Variants in PCDHA8 observed in about 807,000 individuals in gnomAD.
The protein encoded by PCDHA8 is protocadherin alpha 8.
Under a neutral mutation model 61.8 loss-of-function variants are expected in PCDHA8, and 53 were observed. The ratio of observed to expected loss-of-function variants is 0.86; its 90% confidence interval spans 0.69 to 1.08. The LOEUF is 1.08. Ranked by LOEUF, PCDHA8 falls within the 50% of genes least tolerant of loss-of-function variation. The pLI is 0.00. For synonymous variants in PCDHA8, 618 were observed against 556.6 expected, an observed-to-expected ratio of 1.11 and a Z score of -1.55; for missense variants, 1,293 against 1,245.0, an observed-to-expected ratio of 1.04 and a Z score of -0.58.
rs2098419434 is a variant in PCDHA8, at chr5:141,011,100, CT to C, written c.*1164del. ...AAATGATCTCTCTTTCTCTCTCTCT[CT>C]CTCTTTTCTAAGAAACAATTATGTG... On this transcript the variant is annotated 3_prime_UTR_variant, in exon 4 of 4. Coordinates refer to ENST00000531613, the MANE Select transcript of PCDHA8 (RefSeq NM_018911.3). The C allele has an allele frequency of 1.3e-5, 2 of 153,772 alleles. No individual in the cohort carries two copies. Among genetic ancestry groups the C allele is most frequent in the Admixed American group, 6.5e-5 (1 of 15,290 alleles). The allele number at this position is 153,772 out of a possible 1,614,324, so 9.5% of individuals were successfully genotyped here.
chr5:140,977,841 A>G lies in PCDHA8; in HGVS notation c.2395-1108A>G, dbSNP rs76111417. On this transcript the variant is annotated intron_variant, in intron 1 of 3. Transcript: ENST00000531613. The stretch of plus-strand genomic sequence containing the variant: ...TTTTGAATGGTCTATTGATATTACT[A>G]TGGCTTTGTTTCTACCAAATATGGT... Among the ~76,000 whole-genome samples the G allele has an allele frequency of 8.3e-3, 1,257 of 152,348 alleles. 23 individuals carry two copies. Among genetic ancestry groups the G allele is most frequent in the African/African-American group, 0.028 (1,184 of 41,574 alleles).
chr5:140,889,037 A>G (rs2062077417), intron 1 of PCDHA8, among the ~76,000 whole-genome samples: 1 of 151,994 alleles, frequency 6.6e-6, no homozygotes, highest in Non-Finnish European at 1.5e-5. Context: ...CCGTAATTTG[A>G]TTATAATTTA....
At chr5:140,858,414 T>C (rs2045398069) in intron 1 of PCDHA8, 1 of 1,562,782 alleles carries the variant, frequency 6.4e-7, no homozygotes. Flanking sequence ...GATCAGTCTA[T>C]TGGAGGGGAC....
At chr5:140,969,535 T>C (rs1221394283) in intron 1 of PCDHA8, 27 of 1,341,822 alleles carry the variant, frequency 2.0e-5, no homozygotes, top group Non-Finnish European at 2.5e-5. Flanking sequence ...TTTTTCATTT[T>C]CAGAGGCATG....
chr5:140,927,325 C>T, intron 1 of PCDHA8: 6 of 1,614,234 alleles, frequency 3.7e-6, no homozygotes, highest in South Asian at 1.1e-5. Context: ...CCGCTTTACT[C>T]TCCCGAATGC....
intron 1 of PCDHA8, chr5:140,884,825 T>C (rs543714024): frequency 1.0e-6 from 1 of 967,424 alleles, no homozygotes; most frequent in Non-Finnish European, 1.5e-6. Flanking sequence ...CATTATGTGT[T>C]GGATTATCCT....
intron 1 of PCDHA8, among the ~76,000 whole-genome samples, chr5:140,949,308 G>T (rs1323575169): frequency 6.6e-6 from 1 of 151,722 alleles, no homozygotes; most frequent in African/African-American, 2.4e-5. Flanking sequence ...TGGGTGTAAT[G>T]ATTTATAAAT....
chr5:140,876,297 A>G, intron 1 of PCDHA8: 1 of 1,614,092 alleles, frequency 6.2e-7, no homozygotes, highest in Non-Finnish European at 8.5e-7. Flanking sequence ...GACTTAATGG[A>G]GAAATTTCCT....
At chr5:140,915,015 G>T (rs1469800021) in intron 1 of PCDHA8, among the ~76,000 whole-genome samples, 3 of 146,766 alleles carry the variant, frequency 2.0e-5, no homozygotes, top group Non-Finnish European at 4.5e-5. Flanking sequence ...GCCTGATCTT[G>T]GCTCACTGCA....
chr5:140,941,259 T>G (rs368206632), intron 1 of PCDHA8, among the ~76,000 whole-genome samples: 1 of 121,734 alleles, frequency 8.2e-6, no homozygotes, highest in Non-Finnish European at 1.8e-5. Flanking sequence ...TTCTTTCTCT[T>G]TCTTTCTTTC....
At chr5:140,989,940 G>A (rs947716591) in intron 3 of PCDHA8, among the ~76,000 whole-genome samples, 9 of 152,062 alleles carry the variant, frequency 5.9e-5, no homozygotes, top group Admixed American at 1.3e-4. Flanking sequence ...GACATTCCAC[G>A]TTTTTCTCGG....
intron 1 of PCDHA8, chr5:140,927,071 GCCA>G (rs2083808355): frequency 4.3e-6 from 7 of 1,610,970 alleles, no homozygotes; most frequent in Non-Finnish European, 5.9e-6. Flanking sequence ...TTCCTTTCCA[GCCA>G]CCGCGAGCTC....
At chr5:140,852,885 ATT>A (rs879977429) in intron 1 of PCDHA8, 59 of 776,660 alleles carry the variant, frequency 7.6e-5, no homozygotes, top group Non-Finnish European at 8.1e-5. Flanking sequence ...CATAAAACGT[ATT>A]TTTTTTTTTG....
intron 3 of PCDHA8, chr5:140,988,965 TG>T (rs1227130828): frequency 6.6e-6 from 1 of 152,162 alleles, no homozygotes; most frequent in Non-Finnish European, 1.5e-5. Context: ...AGCCCCACGA[TG>T]GAGAGAAGCA....
chr5:140,920,804 A>G (rs2079833395), intron 1 of PCDHA8, among the ~76,000 whole-genome samples: 1 of 151,364 alleles, frequency 6.6e-6, no homozygotes, highest in South Asian at 2.1e-4. Context: ...AGATCACGCC[A>G]CTGCACTCCA....
At chr5:140,890,829 T>A (rs1477608523) in intron 1 of PCDHA8, among the ~76,000 whole-genome samples, 1 of 152,226 alleles carries the variant, frequency 6.6e-6, no homozygotes, top group Non-Finnish European at 1.5e-5. Context: ...TGTACTTACA[T>A]ATTTACCAGT....
chr5:140,928,990 C>CT, intron 1 of PCDHA8: 2 of 1,613,884 alleles, frequency 1.2e-6, no homozygotes, highest in African/African-American at 1.3e-5. Context: ...GGGGTGCTTA[C>CT]TTTTCTTCGT....
chr5:140,935,921 C>G (rs1480748257), intron 1 of PCDHA8, among the ~76,000 whole-genome samples: 2 of 129,532 alleles, frequency 1.5e-5, no homozygotes, highest in African/African-American at 5.8e-5. Context: ...GAGACAGATT[C>G]TCATTCTGTT....
Position 140,842,964 on chromosome 5 carries a change from A to G in PCDHA8, c.1643A>G (p.Asn548Ser). 6.3e-7 allele frequency: 1 copy of G among 1,594,990 alleles called. No individual in the cohort carries two copies. The highest frequency in any genetic ancestry group is 2.2e-5 in the East Asian group (1 of 44,812). The change falls in exon 1 of 4, where the codon AAC (asparagine) becomes AGC (serine). Residue 548 changes from asparagine (N) to serine (S), a missense_variant. Transcript: ENST00000531613. The stretch of plus-strand genomic sequence containing the variant: ...GCGGGCGTGCCGCCTCTGGGCAGCA[A>G]CGTGACGCTGCAGGTGTTCGTGCTG... ...RDAGVPPLGS[N>S]VTLQVFVLDE...
Sources: allele counts gnomAD v4.1 joint callset (sites outside exome capture counted in the v4.1 genomes callset), GRCh38; gene constraint gnomAD v4.1.1; transcripts MANE v1.5; gene names NCBI Gene and HGNC (gene_info 2026-07-23, HGNC 2026-07-21).